CTNND2: variants seen among roughly 807,000 people sequenced by gnomAD.
CTNND2 encodes catenin delta 2.
CTNND2 carries 22 observed loss-of-function variants against 144.4 expected under a neutral mutation model. The ratio of observed to expected loss-of-function variants is 0.15; its 90% CI spans 0.11 to 0.22. The LOEUF is 0.22. Among genes scored for constraint, CTNND2 ranks in the 10% least tolerant of loss-of-function variants. CTNND2 has a pLI of 1.00. For missense variants in CTNND2, 1,353 were observed against 1,618.8 expected (o/e 0.84, Z 2.82); for synonymous variants, 751 against 695.6 (o/e 1.08, Z -1.25).
At chr5:11,895,889 T>C (rs1291669725) in intron 1 of CTNND2, among the ~76,000 whole-genome samples, 2 of 152,140 alleles carry the variant, frequency 1.3e-5, no homozygotes, top group African/African-American at 4.8e-5. Context: ...GCAAATGAAT[T>C]AGAGAAAAAC....
intron 2 of CTNND2, among the ~76,000 whole-genome samples, chr5:11,655,045 A>G (rs1400907169): frequency 6.6e-6 from 1 of 152,096 alleles, no homozygotes; most frequent in East Asian, 1.9e-4. Flanking sequence ...CTGTTGGAAG[A>G]TTATTAATTC....
intron 3 of CTNND2, among the ~76,000 whole-genome samples, chr5:11,481,320 C>T (rs1458667249): frequency 6.6e-6 from 1 of 152,186 alleles, no homozygotes; most frequent in Non-Finnish European, 1.5e-5. Flanking sequence ...CCCCATAAGT[C>T]TTGCACCTTC....
rs988303322 is a variant in CTNND2, at chr5:11,353,068, T to C, written c.1373-6441A>G. Reference sequence around the variant, plus strand: ...GAAGAGGATGATACACAGTCTTTTTTTTTTTTTTTTTTTTAACCATTCCAA... The same window carrying C: ...GAAGAGGATGATACACAGTCTTTTTCTTTTTTTTTTTTTTAACCATTCCAA... On this transcript the variant is annotated intron_variant, in intron 8 of 21. Coordinates refer to ENST00000304623, the MANE Select transcript of CTNND2 (RefSeq NM_001332.4). Among the ~76,000 whole-genome samples the C allele has an allele frequency of 3.3e-5, 5 of 151,918 alleles. No homozygotes were observed. In the East Asian group the frequency reaches 9.7e-4, roughly 29 times the overall value.
chr5:11,603,548 C>A (rs1779909844), intron 2 of CTNND2, among the ~76,000 whole-genome samples: 1 of 152,098 alleles, frequency 6.6e-6, no homozygotes, highest in Non-Finnish European at 1.5e-5. Flanking sequence ...CAAAGGAATT[C>A]AGAGTAAATG....
At chr5:11,435,034 A>G (rs1378001658) in intron 3 of CTNND2, among the ~76,000 whole-genome samples, 2 of 152,142 alleles carry the variant, frequency 1.3e-5, no homozygotes, top group African/African-American at 4.8e-5. Flanking sequence ...TATTACAGAA[A>G]TAGAGATATT....
rs143880243 is a variant in CTNND2, at chr5:11,036,758, C to T, written c.2789-13779G>A. ...TCTTTGCGGTTTCTCAGAAAACTTC[C>T]GGTGACACTAAAGATTTTTCTTCTT... On this transcript the variant is annotated intron_variant, in intron 16 of 21. Transcript: ENST00000304623. Among the ~76,000 whole-genome samples the T allele has an allele frequency of 3.2e-4, 48 of 152,272 alleles. No individual in the cohort carries two copies. The East Asian group carries it at 8.3e-3, about 26-fold the overall frequency.
intron 1 of CTNND2, among the ~76,000 whole-genome samples, chr5:11,740,027 A>G (rs1279821223): frequency 1.3e-5 from 2 of 152,198 alleles, no homozygotes; most frequent in Admixed American, 6.5e-5. Flanking sequence ...CCACTGCTCA[A>G]CGAAATAAAA....
intron 16 of CTNND2, among the ~76,000 whole-genome samples, chr5:11,048,948 AGCTCTG>A (rs1208361300): frequency 2.0e-5 from 3 of 152,200 alleles, no homozygotes; most frequent in Non-Finnish European, 4.4e-5. Context: ...AGACAGCAGC[AGCTCTG>A]GCCTCCACCC....
intron 11 of CTNND2, among the ~76,000 whole-genome samples, chr5:11,161,565 C>T (rs1455490560): frequency 6.6e-6 from 1 of 152,052 alleles, no homozygotes; most frequent in Non-Finnish European, 1.5e-5. Context: ...CATTCATTTC[C>T]AGCCTCACAA....
chr5:11,662,117 G>GTA (rs199809502), intron 2 of CTNND2, among the ~76,000 whole-genome samples: 1,792 of 141,604 alleles, frequency 0.013, 18 homozygotes, highest in Non-Finnish European at 0.019. Context: ...ATGTGTGTGT[G>GTA]TATATATATA....
chr5:11,557,253 T>TGTCAAGTCAGACTTGGCA (rs1291278836), intron 3 of CTNND2, among the ~76,000 whole-genome samples: 5 of 152,230 alleles, frequency 3.3e-5, no homozygotes, highest in Non-Finnish European at 7.3e-5. Flanking sequence ...TTATAAGTTT[T>TGTCAAGTCAGACTTGGCA]GTCAAGTCAG....
intron 12 of CTNND2, among the ~76,000 whole-genome samples, chr5:11,133,256 A>G (rs1373591687): frequency 6.6e-6 from 1 of 152,230 alleles, no homozygotes; most frequent in Non-Finnish European, 1.5e-5. Context: ...AAATATTAGC[A>G]CAGTCTTGCT....
chr5:11,627,358 C>G (rs1781210411), intron 2 of CTNND2, among the ~76,000 whole-genome samples: 1 of 152,166 alleles, frequency 6.6e-6, no homozygotes, highest in Non-Finnish European at 1.5e-5. Context: ...CTCCACAGAA[C>G]AGATGCTCTC....
intron 9 of CTNND2, among the ~76,000 whole-genome samples, chr5:11,241,285 TAGAC>T (rs750647333): frequency 6.6e-6 from 1 of 152,328 alleles, no homozygotes; most frequent in East Asian, 1.9e-4. Flanking sequence ...CCACTGCACT[TAGAC>T]AACAATCTGT....
intron 12 of CTNND2, among the ~76,000 whole-genome samples, chr5:11,135,978 G>T (rs1756106753): frequency 6.6e-6 from 1 of 152,186 alleles, no homozygotes; most frequent in Admixed American, 6.5e-5. Flanking sequence ...AAATTTATAT[G>T]TTGAAACCTA....
intron 3 of CTNND2, among the ~76,000 whole-genome samples, chr5:11,413,083 G>T (rs1401476758): frequency 6.6e-6 from 1 of 152,142 alleles, no homozygotes; most frequent in African/African-American, 2.4e-5. Flanking sequence ...ACATGTGACT[G>T]TTATGGGGTA....
intron 9 of CTNND2, among the ~76,000 whole-genome samples, chr5:11,239,918 C>T (rs1742038645): frequency 6.6e-6 from 1 of 152,210 alleles, no homozygotes; most frequent in African/African-American, 2.4e-5. Flanking sequence ...GCCAGGGCCC[C>T]AACTCTGTTG....
intron 8 of CTNND2, among the ~76,000 whole-genome samples, chr5:11,363,166 C>A (rs549660914): frequency 1.3e-5 from 2 of 152,270 alleles, no homozygotes; most frequent in South Asian, 2.1e-4. Context: ...TCAGAAAAAA[C>A]ACTATCACAC....
intron 10 of CTNND2, among the ~76,000 whole-genome samples, chr5:11,208,516 C>T (rs750827258): frequency 6.6e-6 from 1 of 152,094 alleles, no homozygotes; most frequent in Non-Finnish European, 1.5e-5. Context: ...AGAAAAGATA[C>T]ACATGTTTAC....
Sources: gnomAD v4.1 joint callset for allele counts (sites outside exome capture counted in the v4.1 genomes callset) on GRCh38, gnomAD v4.1.1 for gene constraint, MANE v1.5 for transcripts, NCBI Gene and HGNC (gene_info 2026-07-23, HGNC 2026-07-21) for gene names.